L3MBTL4: variants seen among roughly 807,000 people sequenced by gnomAD.
The protein encoded by L3MBTL4 is lethal(3)malignant brain tumor-like protein 4.
L3MBTL4 carries 70 observed loss-of-function variants against 84.5 expected under a neutral mutation model. The observed-to-expected ratio is 0.83, with a 90% confidence interval of 0.68 to 1.01. The LOEUF (loss-of-function observed/expected upper bound fraction) is 1.01. Among genes scored for constraint, L3MBTL4 ranks in the 50% least tolerant of loss-of-function variants. The pLI, the probability that L3MBTL4 is intolerant of heterozygous loss-of-function variation, is 0.00. For missense variants in L3MBTL4, 715 were observed against 754.8 expected (o/e 0.95, Z 0.62); for synonymous variants, 274 against 259.8 (o/e 1.05, Z -0.52).
At chr18:6,219,663 C>A (rs1818403394) in intron 10 of L3MBTL4, among the ~76,000 whole-genome samples, 1 of 151,596 alleles carries the variant, frequency 6.6e-6, no homozygotes, top group Admixed American at 6.6e-5. Flanking sequence ...ATCTGGGTGA[C>A]AAATATCTTC....
chr18:6,122,154 T>C (rs985365422), intron 14 of L3MBTL4, among the ~76,000 whole-genome samples: 1 of 152,214 alleles, frequency 6.6e-6, no homozygotes, highest in African/African-American at 2.4e-5. Context: ...TATTAAATAA[T>C]ATATGTGAAA....
At chr18:6,351,601 G>C (rs1343632606) in intron 1 of L3MBTL4, among the ~76,000 whole-genome samples, 1 of 151,882 alleles carries the variant, frequency 6.6e-6, no homozygotes, top group Non-Finnish European at 1.5e-5. Context: ...GCCCAGGCTG[G>C]AGTGCAGTGG....
chr18:6,337,840 C>A (rs1438648543), intron 1 of L3MBTL4, among the ~76,000 whole-genome samples: 1 of 151,700 alleles, frequency 6.6e-6, no homozygotes, highest in Non-Finnish European at 1.5e-5. Flanking sequence ...TAACCATATG[C>A]TAATAAGAGT....
At chr18:6,124,500 T>C (rs2059626336) in intron 14 of L3MBTL4, among the ~76,000 whole-genome samples, 1 of 150,836 alleles carries the variant, frequency 6.6e-6, no homozygotes, top group Non-Finnish European at 1.5e-5. Context: ...TGCAGTACAC[T>C]ATCAATACAT....
rs189418099 is a variant in L3MBTL4 at position 6,387,068 on chromosome 18, C to T, written c.-91+27733G>A. 2.6e-5 allele frequency among the ~76,000 whole-genome samples: 4 copies of T among 152,084 alleles called. No homozygotes were observed. In the South Asian group the frequency reaches 8.3e-4, roughly 32 times the overall value. ...TCGAAGGTACAGCAGCCAGGACTGG[C>T]GACAGACAGGATTACAGAGAAAAAG... On this transcript the variant is annotated intron_variant, in intron 1 of 18. Coordinates refer to ENST00000317931, the MANE Select transcript of L3MBTL4 (RefSeq NM_001330559.2).
intron 1 of L3MBTL4, among the ~76,000 whole-genome samples, chr18:6,339,700 A>G (rs11081230): frequency 0.2 from 31,091 of 152,088 alleles, 4,172 homozygotes; most frequent in African/African-American, 0.38. Flanking sequence ...AAGGCAAGAC[A>G]AAAAGCAAAA....
At chr18:6,009,829 T>A (rs1258715165) in intron 16 of L3MBTL4, among the ~76,000 whole-genome samples, 1 of 152,228 alleles carries the variant, frequency 6.6e-6, no homozygotes, top group African/African-American at 2.4e-5. Context: ...TGTGTGAGAA[T>A]TCTTAGCACA....
chr18:6,105,760 A>T (rs1057187194), intron 14 of L3MBTL4, among the ~76,000 whole-genome samples: 2 of 150,668 alleles, frequency 1.3e-5, no homozygotes, highest in Non-Finnish European at 3.0e-5. Flanking sequence ...ATATAGTGCC[A>T]TTGCACTCCA....
intron 10 of L3MBTL4, among the ~76,000 whole-genome samples, chr18:6,217,803 T>G (rs1267083479): frequency 2.0e-5 from 3 of 152,246 alleles, no homozygotes; most frequent in Admixed American, 2.0e-4. Context: ...TGTCTCAAAT[T>G]ATTTTTACTA....
chr18:6,042,780 C>A (rs1004795006), intron 16 of L3MBTL4, among the ~76,000 whole-genome samples: 1 of 152,284 alleles, frequency 6.6e-6, no homozygotes, highest in East Asian at 1.9e-4. Flanking sequence ...CAATCACATC[C>A]AGATGCAGGA....
At chr18:6,242,481 G>A (rs945710747) in intron 7 of L3MBTL4, among the ~76,000 whole-genome samples, 6 of 152,104 alleles carry the variant, frequency 3.9e-5, no homozygotes, top group Admixed American at 2.6e-4. Context: ...CGTGGTAAGG[G>A]CTCCATAAAT....
At chr18:6,340,021 T>G (rs1421978057) in intron 1 of L3MBTL4, among the ~76,000 whole-genome samples, 4 of 152,182 alleles carry the variant, frequency 2.6e-5, no homozygotes, top group Admixed American at 6.5e-5. Flanking sequence ...AAAGCTCACA[T>G]TCTTCCAGAG....
intron 10 of L3MBTL4, among the ~76,000 whole-genome samples, chr18:6,234,409 T>C (rs574258412): frequency 9.9e-4 from 150 of 152,190 alleles, no homozygotes; most frequent in African/African-American, 3.4e-3. Flanking sequence ...ATGTTTGCAA[T>C]CTACTCATCT....
chr18:6,104,023 C>T (rs2058918462), intron 14 of L3MBTL4, among the ~76,000 whole-genome samples: 2 of 152,190 alleles, frequency 1.3e-5, no homozygotes, highest in Admixed American at 1.3e-4. Flanking sequence ...CAAAAGCATG[C>T]ATTTCGGATC....
At chr18:6,358,319 G>A (rs562069943) in intron 1 of L3MBTL4, among the ~76,000 whole-genome samples, 72 of 152,258 alleles carry the variant, frequency 4.7e-4, no homozygotes, top group African/African-American at 1.6e-3. Context: ...AAAACTGAAG[G>A]CCAAAGAAAT....
chr18:6,358,729 T>C (rs1414077423), intron 1 of L3MBTL4, among the ~76,000 whole-genome samples: 1 of 152,174 alleles, frequency 6.6e-6, no homozygotes, highest in Non-Finnish European at 1.5e-5. Context: ...CTCAGGAAAC[T>C]TGGCTCTTCA....
At chr18:6,387,591 T>C (rs2054876765) in intron 1 of L3MBTL4, among the ~76,000 whole-genome samples, 2 of 152,214 alleles carry the variant, frequency 1.3e-5, no homozygotes. Context: ...TCAGCTATAA[T>C]GTTCTGTGTT....
intron 16 of L3MBTL4, among the ~76,000 whole-genome samples, chr18:6,059,919 C>T (rs2057150222): frequency 6.6e-6 from 1 of 152,174 alleles, no homozygotes; most frequent in African/African-American, 2.4e-5. Flanking sequence ...AGGCTAAAAG[C>T]TATCCATTGT....
Position 6,042,346 on chromosome 18 carries a change from T to TAC in L3MBTL4, c.1444+38533_1444+38534dup, listed in dbSNP as rs560288134. On this transcript the variant is annotated intron_variant, in intron 16 of 18. Coordinates refer to ENST00000317931, the MANE Select transcript of L3MBTL4 (RefSeq NM_001330559.2). ...ACTAAGTGCCCTCACTTACAAAACA[T>TAC]ACACACACACATACGTGCACACACA... is the stretch of plus-strand genomic sequence containing the variant. Among the ~76,000 whole-genome samples the TAC allele has an allele frequency of 3.6e-3, 543 of 151,724 alleles. 4 individuals are homozygous for TAC. Among genetic ancestry groups the TAC allele is most frequent in the African/African-American group, 0.013 (525 of 41,358 alleles).
Sources: allele counts gnomAD v4.1 joint callset (sites outside exome capture counted in the v4.1 genomes callset), GRCh38; gene constraint gnomAD v4.1.1; transcripts MANE v1.5; gene names NCBI Gene and HGNC (gene_info 2026-07-23, HGNC 2026-07-21).